CTDP1: variants seen among roughly 807,000 people sequenced by gnomAD.
CTDP1 encodes CTD phosphatase 1.
In CTDP1, 47 loss-of-function variants were observed where a neutral mutation model predicts 91.8. The ratio of observed to expected loss-of-function variants is 0.51; its 90% CI spans 0.41 to 0.65. CTDP1 has a LOEUF of 0.65. Among genes scored for constraint, CTDP1 ranks in the 30% least tolerant of loss-of-function variants. The pLI, the probability that CTDP1 is intolerant of heterozygous loss-of-function variation, is 0.00. For missense variants in CTDP1, 1,272 were observed against 1,373.7 expected, an observed-to-expected ratio of 0.93 and a Z score of 1.17; for synonymous variants, 656 against 598.5, an observed-to-expected ratio of 1.10 and a Z score of -1.40.
chr18:79,694,274 G>T (rs2085693401), intron 1 of CTDP1, among the ~76,000 whole-genome samples: 1 of 142,292 alleles, frequency 7.0e-6, no homozygotes, highest in African/African-American at 2.6e-5. Context: ...GGCACCTAGG[G>T]GTGGGCGCTG....
chr18:79,738,006 C>G (rs958663980), intron 12 of CTDP1, among the ~76,000 whole-genome samples: 1 of 143,330 alleles, frequency 7.0e-6, no homozygotes, highest in East Asian at 2.0e-4. Context: ...CCCCGGCCTC[C>G]CCCGCAGGTC....
At chr18:79,745,222 TTGAC>T (rs2086855716) in intron 12 of CTDP1, among the ~76,000 whole-genome samples, 1 of 151,866 alleles carries the variant, frequency 6.6e-6, no homozygotes, top group Non-Finnish European at 1.5e-5. Flanking sequence ...ACATACGTGT[TTGAC>T]TGGATTGTGC....
intron 4 of CTDP1, among the ~76,000 whole-genome samples, chr18:79,703,375 A>G (rs1462460571): frequency 1.3e-5 from 2 of 152,198 alleles, no homozygotes; most frequent in African/African-American, 4.8e-5. Flanking sequence ...AGAAAATAAC[A>G]GGATTTAAAG....
At chr18:79,705,700 G>A (rs550553434) in intron 5 of CTDP1, among the ~76,000 whole-genome samples, 1 of 152,356 alleles carries the variant, frequency 6.6e-6, no homozygotes, top group Admixed American at 6.5e-5. Flanking sequence ...AAGCTCCTCC[G>A]TACTGGCTCC....
At chr18:79,680,684 C>T (rs2085345266) in intron 1 of CTDP1, among the ~76,000 whole-genome samples, 1 of 152,196 alleles carries the variant, frequency 6.6e-6, no homozygotes, top group Non-Finnish European at 1.5e-5. Flanking sequence ...TTTTTGTAAA[C>T]TTTGTGAAAC....
At chr18:79,682,410 C>T (rs952746885) in intron 1 of CTDP1, among the ~76,000 whole-genome samples, 1 of 152,172 alleles carries the variant, frequency 6.6e-6, no homozygotes, top group Admixed American at 6.5e-5. Context: ...GCTTTGCTGA[C>T]GTCTCTCCAT....
chr18:79,726,835 T>A (rs867406696), intron 10 of CTDP1, among the ~76,000 whole-genome samples: 163 of 16,112 alleles, frequency 0.01, 2 homozygotes, highest in African/African-American at 0.027. Flanking sequence ...CTGTGGGGGA[T>A]GGGGGTGACG....
intron 12 of CTDP1, among the ~76,000 whole-genome samples, chr18:79,748,342 G>A (rs1409437490): frequency 3.3e-5 from 5 of 152,204 alleles, no homozygotes; most frequent in Admixed American, 2.6e-4. Context: ...GAGACCGAGG[G>A]TGCAGCATTC....
At chr18:79,690,481 G>A (rs1430901529) in intron 1 of CTDP1, among the ~76,000 whole-genome samples, 1 of 152,228 alleles carries the variant, frequency 6.6e-6, no homozygotes, top group African/African-American at 2.4e-5. Flanking sequence ...CCGCATTCAA[G>A]AATCCACAAC....
rs1280197542 is a variant in CTDP1, at chr18:79,736,489, C to T, written c.2715C>T (p.Ser905=). 7.8e-6 allele frequency: 12 copies of T among 1,547,318 alleles called. No homozygotes were observed. In the Admixed American group the frequency reaches 7.9e-5, roughly 10 times the overall value. ...RERTLGAPAS[S]ERSAAGGRGP... ...GGACGCTCGGGGCACCTGCGTCCAG[C>T]GAGAGGAGCGCGGCAGGGGGCCGGG... The change falls in exon 12 of 13, where the codon AGC becomes AGT. Residue 905 remains serine, a synonymous_variant. Transcript: ENST00000613122.
rs201167927 is a variant in CTDP1, at chr18:79,753,691, C to T, written c.2787C>T (p.Ser929=). The T allele has an allele frequency of 2.7e-5, 43 of 1,614,000 alleles. No homozygotes were observed. Among genetic ancestry groups the T allele is most frequent in the Admixed American group, 5.0e-5 (3 of 60,008 alleles). The stretch of plus-strand genomic sequence containing the variant: ...AGCTGAATGAAGAGGACGCCGCCAG[C>T]GAGTCCAGCAGGGAGTCCAGCAACG... ...KRKLNEEDAA[S]ESSRESSNED... The change falls in exon 13 of 13, where the codon AGC becomes AGT. Residue 929 remains serine, a synonymous_variant. Transcript: ENST00000613122.
At chr18:79,677,975 A>C (rs1208233589), upstream of CTDP1, 1 of 152,212 alleles carries the variant, frequency 6.6e-6, no homozygotes, top group Non-Finnish European at 1.5e-5. Context: ...AAAATCCCAT[A>C]AAGGCTCTCT....
At chr18:79,696,140 G>T in intron 3 of CTDP1, 70 bp downstream of exon 3, 1 of 1,369,988 alleles carries the variant, frequency 7.3e-7, no homozygotes, top group Non-Finnish European at 1.0e-6. Flanking sequence ...GCAGGAGGAG[G>T]GTGGCTGCAG....
At chr18:79,738,402 C>T (rs1186932747) in intron 12 of CTDP1, among the ~76,000 whole-genome samples, 2 of 152,276 alleles carry the variant, frequency 1.3e-5, no homozygotes, top group South Asian at 2.1e-4. Flanking sequence ...GCTGCGGGGC[C>T]GTGGGCCGGT....
Position 79,717,923 on chromosome 18 carries a change from A to G in CTDP1, c.2324A>G (p.Asp775Gly), listed in dbSNP as rs1055637759. 1 of 1,613,192 alleles carries G rather than the reference A, an allele frequency of 6.2e-7. No homozygotes were observed. The highest frequency in any genetic ancestry group is 8.5e-7 in the Non-Finnish European group (1 of 1,179,896). Residue 775 changes from aspartate to glycine, a missense_variant, in exon 10 of 13, where the codon GAC becomes GGC. Coordinates refer to ENST00000613122, the MANE Select transcript of CTDP1 (RefSeq NM_004715.5). ...CCTGGCCCCGAGGTTCGGATCTACG[A>G]CTCCAACACGGGGAAGCTCATCAGG... is the stretch of plus-strand genomic sequence containing the variant. ...AQPGPEVRIY[D>G]SNTGKLIRTG...
intron 11 of CTDP1, among the ~76,000 whole-genome samples, chr18:79,735,167 C>T (rs2086640793): frequency 2.6e-5 from 4 of 152,186 alleles, no homozygotes; most frequent in Admixed American, 2.0e-4. Context: ...TGCTCCGAAC[C>T]GCGCCTGTCT....
At chr18:79,723,866 A>G (rs571870683) in intron 10 of CTDP1, among the ~76,000 whole-genome samples, 21 of 152,210 alleles carry the variant, frequency 1.4e-4, no homozygotes, top group Admixed American at 4.6e-4. Context: ...CAAGTCGGCA[A>G]CCTTCTGGAG....
chr18:79,714,240 G>A (rs891561940), intron 7 of CTDP1, among the ~76,000 whole-genome samples: 11 of 152,168 alleles, frequency 7.2e-5, no homozygotes, highest in African/African-American at 1.4e-4. Flanking sequence ...GATTGGGGAT[G>A]TTCAGCTGGT....
intron 8 of CTDP1, among the ~76,000 whole-genome samples, chr18:79,716,038 G>A (rs1473585245): frequency 1.3e-5 from 2 of 152,144 alleles, no homozygotes; most frequent in African/African-American, 2.4e-5. Context: ...TGAAACTTCC[G>A]CCGAATAAAA....
Sources: gnomAD v4.1 joint callset for allele counts (sites outside exome capture counted in the v4.1 genomes callset) on GRCh38, gnomAD v4.1.1 for gene constraint, MANE v1.5 for transcripts, NCBI Gene and HGNC (gene_info 2026-07-23, HGNC 2026-07-21) for gene names.